PES1: variants seen among roughly 807,000 people sequenced by gnomAD.
The protein encoded by PES1 is pescadillo homolog.
PES1 carries 31 observed loss-of-function variants against 77.1 expected under a neutral mutation model. That is an observed-to-expected ratio of 0.40 (90% CI 0.30 to 0.54). PES1 has a LOEUF of 0.54. PES1 is among the 20% of genes least tolerant of loss of function. PES1 has a pLI of 0.45. For missense variants in PES1, 658 were observed against 771.7 expected, an observed-to-expected ratio of 0.85 and a Z score of 1.75; for synonymous variants, 282 against 303.0, an observed-to-expected ratio of 0.93 and a Z score of 0.72.
intron 6 of PES1, 63 bp downstream of exon 6, chr22:30,584,302 C>T (rs1436673447): frequency 1.2e-5 from 15 of 1,299,078 alleles, no homozygotes; most frequent in Non-Finnish European, 1.6e-5. Context: ...ATCCCCCTTC[C>T]TCCACATCCA....
At chr22:30,592,308 C>T (rs1022944973), upstream of PES1, 3 of 992,102 alleles carry the variant, frequency 3.0e-6, no homozygotes, top group African/African-American at 5.2e-5. Flanking sequence ...TCGGCTGCCG[C>T]TGCTGAGAAG....
chr22:30,598,912 T>TTTTTTTTTTTA lies in PES1; in HGVS notation c.-660-6515_-660-6514insTAAAAAAAAAA, dbSNP rs761643665. 1.8e-4 allele frequency among the ~76,000 whole-genome samples: 21 copies of TTTTTTTTTTTA among 116,424 alleles called. 4 individuals are homozygous for TTTTTTTTTTTA. The highest frequency in any genetic ancestry group is 5.8e-4 in the African/African-American group (17 of 29,384). The allele number at this position is 116,424 out of a possible 152,430, so 76.4% of individuals were successfully genotyped here. ...TTTTTTTTTTTTTTTTTTTTTTTTTTTTGAGATGGAGTCCTGCTCTGTCAT... is the reference window on the plus strand; with the variant it reads ...TTTTTTTTTTTTTTTTTTTTTTTTTTTTTTTTTTTTATTGAGATGGAGTCCTGCTCTGTCAT... On this transcript the variant is annotated intron_variant, in intron 2 of 16. Coordinates refer to the PES1 transcript ENST00000402281.
intron 9 of PES1, 137 bp from the exon 10 acceptor site, chr22:30,580,838 T>G: frequency 7.3e-7 from 1 of 1,366,018 alleles, no homozygotes; most frequent in South Asian, 1.3e-5. Context: ...AAGGCCCCAC[T>G]CCTGAGCTCT....
At position 30,579,953 on chromosome 22, in the gene PES1, G is replaced by T. The variant is rs564336756; in HGVS notation, c.1170-18C>A. ...CGTAGCACCTGGCGCAGAGTGGCAG[G>T]CAAAAACGAGTCACAGAGGGCAACT... On this transcript the variant is annotated intron_variant, in intron 11 of 14. Transcript: ENST00000354694. The T allele has an allele frequency of 2.9e-5, 47 of 1,611,294 alleles. No homozygotes were observed. The South Asian group carries it at 5.2e-4, about 18-fold the overall frequency.
rs1339659755 is a variant in PES1 at position 30,589,225 on chromosome 22, G to A, written c.70C>T (p.Arg24Trp). ...ATNYITRNKARKKLQLSLADF... is the reference protein window; with the variant it reads ...ATNYITRNKAWKKLQLSLADF... ...GCCAAGCTCAGCTGGAGCTTCTTCC[G>A]GGCTTTGTTCCGGGTGATGTAGTTG... is the stretch of plus-strand genomic sequence containing the variant. The change falls in exon 2 of 15, where the codon CGG becomes TGG. Residue 24 changes from arginine to tryptophan, a missense_variant. Arg to Trp is a moderately radical substitution (Grantham distance 101). Transcript: ENST00000354694. The A allele has an allele frequency of 5.6e-6, 9 of 1,613,916 alleles. No homozygotes were observed. Among genetic ancestry groups the A allele is most frequent in the Admixed American group, 1.7e-5 (1 of 59,982 alleles).
intron 2 of PES1, chr22:30,603,988 G>A (rs1201451481): frequency 1.3e-5 from 2 of 152,380 alleles, no homozygotes; most frequent in South Asian, 2.1e-4. Flanking sequence ...TAGGTGAAGT[G>A]TAAAGCAAGC....
chr22:30,577,498 T>C (rs1318623441), intron 14 of PES1, among the ~76,000 whole-genome samples: 1 of 152,160 alleles, frequency 6.6e-6, no homozygotes, highest in Non-Finnish European at 1.5e-5. Context: ...CATCTGACAA[T>C]ATATTTTTAA....
At chr22:30,603,608 C>T (rs1444576686) in intron 2 of PES1, among the ~76,000 whole-genome samples, 2 of 152,088 alleles carry the variant, frequency 1.3e-5, no homozygotes, top group Non-Finnish European at 2.9e-5. Flanking sequence ...TCTCGAACTC[C>T]TGACCTCAGG....
At chr22:30,606,118 G>C (rs941518810) in intron 1 of PES1, among the ~76,000 whole-genome samples, 2 of 152,166 alleles carry the variant, frequency 1.3e-5, no homozygotes, top group Non-Finnish European at 2.9e-5. Context: ...GGCAGATGAG[G>C]AATCTTTTGT....
At chr22:30,594,903 G>T (rs2087233206), upstream of PES1, among the ~76,000 whole-genome samples, 1 of 151,786 alleles carries the variant, frequency 6.6e-6, no homozygotes, top group Admixed American at 6.6e-5. Context: ...GAGGCAAAAG[G>T]ATCGCTTGGG....
rs2086956527 is a variant in PES1 at position 30,579,883 on chromosome 22, G to A, written c.1222C>T (p.Leu408Phe). 6.2e-7 allele frequency: 1 copy of A among 1,614,062 alleles called. No homozygotes were observed. ...VFDSVNARLL[L>F]PVAEYFSGVQ... Reference sequence around the variant, plus strand: ...CCAGAGAAGTACTCTGCCACGGGGAGAAGGAGCCTGGCGTTCACTGAGTCA... The same window carrying A: ...CCAGAGAAGTACTCTGCCACGGGGAAAAGGAGCCTGGCGTTCACTGAGTCA... Residue 408 changes from leucine to phenylalanine, a missense_variant, in exon 12 of 15, where the codon CTC becomes TTC. By Grantham distance (22) the Leu-to-Phe change is conservative. Transcript: ENST00000354694.
chr22:30,597,886 T>G (rs1318891070), intron 2 of PES1, among the ~76,000 whole-genome samples: 32 of 144,138 alleles, frequency 2.2e-4, no homozygotes, highest in African/African-American at 3.7e-4. Context: ...AGTTTTGTTT[T>G]TTTTTTTTTT....
rs71200084 is a variant in PES1, at chr22:30,598,885, A to ATTTTTTTTTTTTTTTT, written c.-660-6503_-660-6488dup. On this transcript the variant is annotated intron_variant, in intron 2 of 16. Coordinates refer to the PES1 transcript ENST00000402281. ...TTCAAGTTTATGTGACTTAAGTAAAATTTTTTTTTTTTTTTTTTTTTTTTT... is the reference window on the plus strand; with the variant it reads ...TTCAAGTTTATGTGACTTAAGTAAAATTTTTTTTTTTTTTTTTTTTTTTTTTTTTTTTTTTTTTTTT... Among the ~76,000 whole-genome samples the ATTTTTTTTTTTTTTTT allele has an allele frequency of 5.6e-3, 288 of 51,216 alleles. 77 individuals are homozygous for ATTTTTTTTTTTTTTTT. Among genetic ancestry groups the ATTTTTTTTTTTTTTTT allele is most frequent in the Middle Eastern group, 0.023 (1 of 44 alleles). 33.6% of individuals were successfully genotyped at this position (51,216 alleles called of 152,430 possible).
At chr22:30,577,160 G>A (rs1602001330) in intron 14 of PES1, 31 bp from the exon 15 acceptor site, 1 of 1,292,986 alleles carries the variant, frequency 7.7e-7, no homozygotes, top group Non-Finnish European at 1.1e-6. Flanking sequence ...GTCAGGCTGA[G>A]GTATGTGTAG....
At chr22:30,583,304 C>T (rs886888020) in intron 6 of PES1, among the ~76,000 whole-genome samples, 1 of 152,208 alleles carries the variant, frequency 6.6e-6, no homozygotes, top group African/African-American at 2.4e-5. Context: ...CACCAGACAG[C>T]CAGTCAGGGT....
At chr22:30,600,844 T>G (rs1466690378) in intron 2 of PES1, among the ~76,000 whole-genome samples, 2 of 152,074 alleles carry the variant, frequency 1.3e-5, no homozygotes, top group East Asian at 3.8e-4. Flanking sequence ...AAATTGGGGA[T>G]GGGCTCCATT....
At position 30,606,040 on chromosome 22, in the gene PES1, A is replaced by G. The variant is rs2087434778; in HGVS notation, c.-717-523T>C. 2.0e-5 allele frequency among the ~76,000 whole-genome samples: 3 copies of G among 152,214 alleles called. No homozygotes were observed. In the South Asian group the frequency reaches 6.2e-4, roughly 32 times the overall value. On this transcript the variant is annotated intron_variant, in intron 1 of 16. Transcript: ENST00000402281. ...GAACTATTTTAAACTCGAGAGGTTAAGTGACCTGGCCAAAGTCACACAGCC... is the reference window on the plus strand; with the variant it reads ...GAACTATTTTAAACTCGAGAGGTTAGGTGACCTGGCCAAAGTCACACAGCC...
rs755109988 is a variant in PES1 at position 30,588,181 on chromosome 22, G to A, written c.105-7C>T. ...CTTCAGAATGCACAGCCGCCTGGAAGACAGAGGCCATCTGTTATGTCAGTT... is the reference window on the plus strand; with the variant it reads ...CTTCAGAATGCACAGCCGCCTGGAAAACAGAGGCCATCTGTTATGTCAGTT... On this transcript the variant is annotated splice_polypyrimidine_tract_variant and splice_region_variant and intron_variant, in intron 2 of 14. Coordinates refer to ENST00000354694, the MANE Select transcript of PES1 (RefSeq NM_014303.4). The A allele has an allele frequency of 1.2e-6, 2 of 1,614,062 alleles. No homozygotes were observed. Among genetic ancestry groups the A allele is most frequent in the East Asian group, 2.2e-5 (1 of 44,890 alleles).
chr22:30,595,917 G>C (rs187634270), upstream of PES1, among the ~76,000 whole-genome samples: 682 of 152,258 alleles, frequency 4.5e-3, 3 homozygotes, highest in Non-Finnish European at 7.7e-3. Flanking sequence ...GCAATTATAG[G>C]GGGTGCTTAG....
Sources: gnomAD v4.1 joint callset for allele counts (sites outside exome capture counted in the v4.1 genomes callset) on GRCh38, gnomAD v4.1.1 for gene constraint, MANE v1.5 for transcripts, NCBI Gene and HGNC (gene_info 2026-07-23, HGNC 2026-07-21) for gene names.